Variants in ARHGAP17 observed in about 807,000 individuals in gnomAD.
The protein encoded by ARHGAP17 is Rho GTPase activating protein 17, also known as rho GTPase-activating protein 17.
ARHGAP17 carries 57 observed loss-of-function variants against 99.5 expected under a neutral mutation model. The observed-to-expected ratio is 0.57, with a 90% CI of 0.46 to 0.71. ARHGAP17 has a LOEUF of 0.71. ARHGAP17 is among the 30% of genes least tolerant of loss of function. The pLI, the probability that ARHGAP17 is intolerant of heterozygous loss-of-function variation, is 0.00. For missense variants in ARHGAP17, 1,000 were observed against 1,122.4 expected (o/e 0.89, Z 1.56); for synonymous variants, 417 against 429.6 (o/e 0.97, Z 0.36).
intron 1 of ARHGAP17, among the ~76,000 whole-genome samples, chr16:24,998,458 C>A (rs2053264125): frequency 6.6e-6 from 1 of 150,844 alleles, no homozygotes; most frequent in Admixed American, 6.6e-5. Flanking sequence ...GACCACGGGT[C>A]AACCTGGGCC....
At chr16:24,926,530 G>A (rs923323340) in intron 19 of ARHGAP17, among the ~76,000 whole-genome samples, 3 of 152,190 alleles carry the variant, frequency 2.0e-5, no homozygotes, top group Non-Finnish European at 4.4e-5. Context: ...CCAAAGTGCT[G>A]GGATTACAGG....
intron 7 of ARHGAP17, among the ~76,000 whole-genome samples, chr16:24,960,322 AT>A (rs2051948055): frequency 6.6e-6 from 1 of 152,244 alleles, no homozygotes; most frequent in Admixed American, 6.5e-5. Context: ...AGATGGGCAG[AT>A]TACCTGAGGT....
intron 1 of ARHGAP17, among the ~76,000 whole-genome samples, chr16:24,980,001 G>A (rs374924921): frequency 9.9e-5 from 15 of 152,124 alleles, no homozygotes; most frequent in African/African-American, 2.9e-4. Flanking sequence ...GTGAGCCACC[G>A]CGCCTGGCGT....
intron 19 of ARHGAP17, among the ~76,000 whole-genome samples, chr16:24,922,438 A>G: frequency 6.6e-6 from 1 of 152,092 alleles, no homozygotes; most frequent in East Asian, 1.9e-4. Context: ...TTTTCTATTT[A>G]TGATCCACAC....
intron 3 of ARHGAP17, among the ~76,000 whole-genome samples, chr16:24,974,130 A>G (rs538661617): frequency 6.6e-6 from 1 of 152,364 alleles, no homozygotes; most frequent in Admixed American, 6.5e-5. Flanking sequence ...ACCAGGCACT[A>G]CAAAACATTT....
chr16:25,014,522 CTT>C (rs1011192513), intron 1 of ARHGAP17, among the ~76,000 whole-genome samples: 3 of 152,214 alleles, frequency 2.0e-5, no homozygotes, highest in Admixed American at 6.5e-5. Context: ...TAAGGTGAGA[CTT>C]TTTAAATTGG....
chr16:24,989,816 C>T (rs1336451211), intron 1 of ARHGAP17, among the ~76,000 whole-genome samples: 2 of 152,146 alleles, frequency 1.3e-5, no homozygotes, highest in East Asian at 3.9e-4. Context: ...AAAATAACGT[C>T]ATAAAAGTAG....
At chr16:24,974,558 C>T (rs1288406212) in intron 3 of ARHGAP17, among the ~76,000 whole-genome samples, 1 of 152,098 alleles carries the variant, frequency 6.6e-6, no homozygotes, top group African/African-American at 2.4e-5. Flanking sequence ...GGGTGTAATT[C>T]TGGTCCCTGT....
At chr16:24,979,680 C>T (rs2052616900) in intron 1 of ARHGAP17, among the ~76,000 whole-genome samples, 1 of 151,856 alleles carries the variant, frequency 6.6e-6, no homozygotes, top group South Asian at 2.1e-4. Flanking sequence ...GGAGTCTCAA[C>T]TGTCAGACCA....
intron 19 of ARHGAP17, chr16:24,927,668 G>A (rs1342071382): frequency 8.5e-7 from 1 of 1,180,070 alleles, no homozygotes; most frequent in African/African-American, 1.6e-5. Flanking sequence ...TGGCCAATCA[G>A]GTGCCTTTTC....
chr16:24,961,225 AG>A (rs1285950902), intron 7 of ARHGAP17, among the ~76,000 whole-genome samples: 2 of 152,210 alleles, frequency 1.3e-5, no homozygotes, highest in Non-Finnish European at 2.9e-5. Flanking sequence ...ACAAGAAATT[AG>A]TACAGTTATT....
chr16:24,924,442 G>GTTTT (rs11393454), intron 19 of ARHGAP17, among the ~76,000 whole-genome samples: 1 of 142,974 alleles, frequency 7.0e-6, no homozygotes. Flanking sequence ...TCTCTTTTCT[G>GTTTT]TTTTTTTTTT....
At chr16:24,977,069 T>C (rs1291179633) in intron 3 of ARHGAP17, 146 bp downstream of exon 3, 1 of 468,388 alleles carries the variant, frequency 2.1e-6, no homozygotes, top group East Asian at 3.4e-5. Context: ...AATGCTATGG[T>C]CACGCAGGTG....
At chr16:24,946,017 A>T (rs1423577444) in intron 14 of ARHGAP17, among the ~76,000 whole-genome samples, 2 of 152,186 alleles carry the variant, frequency 1.3e-5, no homozygotes, top group Non-Finnish European at 2.9e-5. Context: ...TTTCTCCTTT[A>T]TGTCCTCTAT....
chr16:24,959,932 C>T lies in ARHGAP17; in HGVS notation c.621G>A (p.Glu207=), dbSNP rs1185737664. 6.2e-6 allele frequency: 10 copies of T among 1,614,168 alleles called. No individual in the cohort carries two copies. Among genetic ancestry groups the T allele is most frequent in the Non-Finnish European group, 8.5e-6 (10 of 1,180,010 alleles). The change falls in exon 8 of 20, where the codon GAG becomes GAA. Residue 207 remains glutamate (E), a synonymous_variant. Coordinates refer to ENST00000289968, the MANE Select transcript of ARHGAP17 (RefSeq NM_001006634.3). ...TTACCGTAACAAAGAATTTGCCATA[C>T]TCCCCTTCTTTGGCCATAAAGTTGT... The part of the protein sequence containing the change: ...DMYNFMAKEG[E]YGKFFVTLLE...
At chr16:24,926,157 G>A (rs1023782959) in intron 19 of ARHGAP17, among the ~76,000 whole-genome samples, 10 of 151,328 alleles carry the variant, frequency 6.6e-5, no homozygotes, top group African/African-American at 2.4e-4. Flanking sequence ...GAGAAGAGAA[G>A]AGGAGAAAAG....
At chr16:24,948,533 G>A (rs184402156) in intron 13 of ARHGAP17, among the ~76,000 whole-genome samples, 20 of 152,058 alleles carry the variant, frequency 1.3e-4, no homozygotes, top group Non-Finnish European at 2.1e-4. Context: ...AAAATAAAGA[G>A]CCAAACTCTC....
At position 24,930,854 on chromosome 16, in the gene ARHGAP17, A is replaced by T. The variant is rs1437055270; in HGVS notation, c.2445T>A (p.Pro815=). Residue 815 remains proline (P), a synonymous_variant, in exon 19 of 20, where the codon CCT becomes CCA. Transcript: ENST00000289968. ...NRPSVPPPPQ[P]PGVHSAGDSS... is the part of the protein sequence containing the mutation. ...TGTCCCCAGCTGAGTGGACACCAGG[A>T]GGTTGGGGGGGTGGGGGCACGCTGG... 1 of 1,612,536 alleles carries T rather than the reference A, an allele frequency of 6.2e-7. No individual in the cohort carries two copies. Among genetic ancestry groups the T allele is most frequent in the Non-Finnish European group, 8.5e-7 (1 of 1,179,632 alleles).
At chr16:24,996,372 T>C (rs1422982244) in intron 1 of ARHGAP17, among the ~76,000 whole-genome samples, 7 of 152,098 alleles carry the variant, frequency 4.6e-5, no homozygotes, top group African/African-American at 1.7e-4. Context: ...GGATGGAGCA[T>C]TCATAAAAAA....
Sources: allele counts gnomAD v4.1 joint callset (sites outside exome capture counted in the v4.1 genomes callset), GRCh38; gene constraint gnomAD v4.1.1; transcripts MANE v1.5; gene names NCBI Gene and HGNC (gene_info 2026-07-23, HGNC 2026-07-21).